Variants in UMOD observed in about 807,000 individuals in gnomAD.
UMOD encodes the protein uromodulin, also known as Tamm-Horsfall urinary glycoprotein.
A neutral mutation model predicts 66.0 loss-of-function variants in UMOD; 64 were observed. The observed-to-expected ratio is 0.97, with a 90% CI of 0.79 to 1.19. The LOEUF is 1.19. Among genes scored for constraint, UMOD ranks in the 50% most tolerant of loss-of-function variants. UMOD has a pLI of 0.00. For synonymous variants in UMOD, 398 were observed against 352.7 expected, an observed-to-expected ratio of 1.13 and a Z score of -1.44; for missense variants, 764 against 850.9, an observed-to-expected ratio of 0.90 and a Z score of 1.27.
intron 6 of UMOD, among the ~76,000 whole-genome samples, chr16:20,341,979 G>A (rs1019322508): frequency 6.6e-5 from 10 of 152,220 alleles, no homozygotes; most frequent in African/African-American, 1.7e-4. Context: ...GAAATACTCC[G>A]AAATGTGGAA....
rs773200268 is a variant in UMOD, at chr16:20,345,442, C to CTTTCTTTCTCTTTCTTTCT, written c.1182+683_1182+684insAGAAAGAAAGAGAAAGAAA. ...TTTCTTTCTTTCTCTTTCTTTCTTT[C>CTTTCTTTCTCTTTCTTTCT]TTCCTTTCTTCCTTTCTTTCCTTCC... On this transcript the variant is annotated intron_variant, in intron 5 of 10. Coordinates refer to ENST00000396138, the MANE Select transcript of UMOD (RefSeq NM_003361.4). Among the ~76,000 whole-genome samples, 149 of 41,586 alleles carry CTTTCTTTCTCTTTCTTTCT rather than the reference C, an allele frequency of 3.6e-3. 1 individual carries two copies. Among genetic ancestry groups the CTTTCTTTCTCTTTCTTTCT allele is most frequent in the Middle Eastern group, 0.015 (1 of 68 alleles). 27.3% of individuals were successfully genotyped at this position (41,586 alleles called of 152,430 possible).
At chr16:20,335,264 C>T (rs530992696) in intron 10 of UMOD, among the ~76,000 whole-genome samples, 1 of 152,272 alleles carries the variant, frequency 6.6e-6, no homozygotes, top group African/African-American at 2.4e-5. Flanking sequence ...AATAAGTGAT[C>T]TGTATACTGG....
intron 7 of UMOD, among the ~76,000 whole-genome samples, chr16:20,340,365 C>T (rs1053364583): frequency 6.6e-6 from 1 of 151,096 alleles, no homozygotes; most frequent in African/African-American, 2.4e-5. Context: ...GAATGAGACC[C>T]TGTCTCAAAA....
rs1965916360 is a variant in UMOD at position 20,351,969 on chromosome 16, G to A, written c.-103+720C>T. Among the ~76,000 whole-genome samples the A allele has an allele frequency of 2.7e-5, 4 of 149,146 alleles. No individual in the cohort carries two copies. The Admixed American group carries it at 2.7e-4, about 10-fold the overall frequency. On this transcript the variant is annotated intron_variant, in intron 1 of 10. Transcript: ENST00000396138. ...GGAGGCAGAGGTTGCAGTGAGCTGAGATCGTGCCACTGCACTCCTGCCTGG... is the reference window on the plus strand; with the variant it reads ...GGAGGCAGAGGTTGCAGTGAGCTGAAATCGTGCCACTGCACTCCTGCCTGG...
At chr16:20,355,949 A>T (rs2141692324), upstream of UMOD, among the ~76,000 whole-genome samples, 1 of 151,858 alleles carries the variant, frequency 6.6e-6, no homozygotes, top group African/African-American at 2.4e-5. Flanking sequence ...CTCAAATCTC[A>T]CTCAGATTTA....
At position 20,336,641 on chromosome 16, in the gene UMOD, C is replaced by T. The variant is rs774457256; in HGVS notation, c.1822+5G>A. On this transcript the variant is annotated splice_donor_5th_base_variant and intron_variant, in intron 9 of 10. Coordinates refer to ENST00000396138, the MANE Select transcript of UMOD (RefSeq NM_003361.4). ...GGAATGTTGAGGAGCGAGTGGCTCT[C>T]TTACCTTTCCGTGTGATGGGACCCA... The T allele has an allele frequency of 6.2e-7, 1 of 1,613,748 alleles. No individual in the cohort carries two copies. The highest frequency in any genetic ancestry group is 8.5e-7 in the Non-Finnish European group (1 of 1,179,766).
intron 9 of UMOD, among the ~76,000 whole-genome samples, chr16:20,335,999 G>A (rs758156708): frequency 3.3e-5 from 5 of 152,200 alleles, no homozygotes; most frequent in African/African-American, 7.2e-5. Flanking sequence ...AAACAAAGAC[G>A]ATAACAGCCC....
At chr16:20,350,866 T>C in intron 1 of UMOD, 27 bp from the exon 2 acceptor site, 1 of 1,540,118 alleles carries the variant, frequency 6.5e-7, no homozygotes. Context: ...ATGGGACAAA[T>C]GCATGATCTA....
intron 2 of UMOD, 38 bp downstream of exon 2, chr16:20,350,612 A>C (rs150034304): frequency 6.2e-7 from 1 of 1,611,840 alleles, no homozygotes; most frequent in African/African-American, 1.3e-5. Context: ...ATACACGTGC[A>C]TACACACATA....
intron 7 of UMOD, among the ~76,000 whole-genome samples, chr16:20,340,466 G>A (rs1316153264): frequency 1.9e-4 from 21 of 111,436 alleles, no homozygotes; most frequent in Non-Finnish European, 3.5e-4. Flanking sequence ...ATATATGTGT[G>A]TGTGTGTATA....
intron 10 of UMOD, among the ~76,000 whole-genome samples, chr16:20,334,031 T>G (rs1310159769): frequency 2.8e-5 from 1 of 35,618 alleles, no homozygotes; most frequent in Non-Finnish European, 4.6e-5. Flanking sequence ...AGATTCCATC[T>G]CAAAAAAAAA....
At chr16:20,350,943 T>C in intron 1 of UMOD, 104 bp from the exon 2 acceptor site, 1 of 1,213,488 alleles carries the variant, frequency 8.2e-7, no homozygotes, top group Non-Finnish European at 1.1e-6. Flanking sequence ...AGGTGTCACT[T>C]ATATGGACTA....
At chr16:20,350,868 C>T in intron 1 of UMOD, 29 bp from the exon 2 acceptor site, 6 of 1,535,430 alleles carry the variant, frequency 3.9e-6, no homozygotes, top group Non-Finnish European at 5.3e-6. Flanking sequence ...GGGACAAATG[C>T]ATGATCTAAC....
rs1064796302 is a variant in UMOD at position 20,344,069 on chromosome 16, A to AG, written c.1285dup (p.Leu429ProfsTer54). 6 of 1,611,532 alleles carry AG rather than the reference A, an allele frequency of 3.7e-6. No homozygotes were observed. The African/African-American group carries it at 6.7e-5, about 18-fold the overall frequency. On this transcript the variant is annotated frameshift_variant, in exon 6 of 11. Transcript: ENST00000396138. LOFTEE classifies it high-confidence loss of function. ...GGTCTTCAGGCTGACTTTCATGTCC[A>AG]GGGGGTAGGAGCATGCAAAGTTGAT...
Position 20,333,272 on chromosome 16 carries a change from G to A in UMOD, c.*42C>T, listed in dbSNP as rs749042277. 2 of 1,596,436 alleles carry A rather than the reference G, an allele frequency of 1.3e-6. No individual in the cohort carries two copies. Among genetic ancestry groups the A allele is most frequent in the East Asian group, 4.5e-5 (2 of 44,592 alleles). On this transcript the variant is annotated 3_prime_UTR_variant, in exon 11 of 11. Transcript: ENST00000396138. ...GCATCATGCCCCCTGCCCAGCAGGAGGTGAGATGGCAGCCATGGAGCACAG... is the reference window on the plus strand; with the variant it reads ...GCATCATGCCCCCTGCCCAGCAGGAAGTGAGATGGCAGCCATGGAGCACAG...
upstream of UMOD, chr16:20,352,832 T>C (rs1965959097): frequency 2.1e-6 from 2 of 930,946 alleles, no homozygotes; most frequent in Non-Finnish European, 2.8e-6. Flanking sequence ...GAATATTTTT[T>C]CCTCCTGGCA....
chr16:20,340,658 G>A (rs1965152631), intron 7 of UMOD, among the ~76,000 whole-genome samples: 1 of 151,950 alleles, frequency 6.6e-6, no homozygotes, highest in Non-Finnish European at 1.5e-5. Context: ...ATTTATAATG[G>A]ATGGGAATGC....
chr16:20,345,330 T>TTTTCTTTCTTTC (rs10656659), intron 5 of UMOD, among the ~76,000 whole-genome samples: 5 of 150,786 alleles, frequency 3.3e-5, no homozygotes, highest in African/African-American at 1.2e-4. Flanking sequence ...AAATCTTTCT[T>TTTTCTTTCTTTC]TTTCTTTCTT....
At chr16:20,343,822 A>G (rs1409240079) in intron 6 of UMOD, among the ~76,000 whole-genome samples, 2 of 152,100 alleles carry the variant, frequency 1.3e-5, no homozygotes, top group African/African-American at 2.4e-5. Context: ...TCTGTCCCCC[A>G]CTGGCCAGGG....
Sources: allele counts gnomAD v4.1 joint callset (sites outside exome capture counted in the v4.1 genomes callset), GRCh38; gene constraint gnomAD v4.1.1; transcripts MANE v1.5; gene names NCBI Gene and HGNC (gene_info 2026-07-23, HGNC 2026-07-21).